UNC5C: variants seen among roughly 807,000 people sequenced by gnomAD.
UNC5C encodes the protein unc-5 netrin receptor C.
Under a neutral mutation model 99.8 loss-of-function variants are expected in UNC5C, and 47 were observed. The observed-to-expected ratio is 0.47, with a 90% CI of 0.37 to 0.60. The LOEUF (loss-of-function observed/expected upper bound fraction) is 0.60, where lower values mean the gene tolerates loss of function less well. UNC5C is among the 20% of genes least tolerant of loss of function. The probability of loss-of-function intolerance (pLI) is 0.00; values close to 1 mark genes in which losing one functional copy is unlikely to be tolerated. For missense variants in UNC5C, 1,062 were observed against 1,165.9 expected, an observed-to-expected ratio of 0.91 and a Z score of 1.30; for synonymous variants, 487 against 452.2, an observed-to-expected ratio of 1.08 and a Z score of -0.98.
intron 1 of UNC5C, among the ~76,000 whole-genome samples, chr4:95,539,975 T>G (rs1049165656): frequency 1.3e-5 from 2 of 152,096 alleles, no homozygotes; most frequent in Non-Finnish European, 2.9e-5. Flanking sequence ...TATTTTTCAC[T>G]GTGGTCATTT....
chr4:95,401,716 T>C (rs1374148378), intron 1 of UNC5C, among the ~76,000 whole-genome samples: 3 of 152,226 alleles, frequency 2.0e-5, no homozygotes, highest in Non-Finnish European at 4.4e-5. Context: ...GAGCCCCTAC[T>C]TGGGGCATAA....
At chr4:95,172,057 A>G (rs1344152259) in intron 14 of UNC5C, among the ~76,000 whole-genome samples, 12 of 148,156 alleles carry the variant, frequency 8.1e-5, no homozygotes, top group Admixed American at 8.1e-4. Context: ...GTGTCTGTTC[A>G]TGTCCTTCGC....
intron 9 of UNC5C, 58 bp from the exon 10 acceptor site, chr4:95,216,269 TGAG>T (rs1350746319): frequency 1.5e-5 from 21 of 1,407,524 alleles, no homozygotes; most frequent in Non-Finnish European, 2.0e-5. Flanking sequence ...TAAAAGGGAA[TGAG>T]GAGATTTTGT....
chr4:95,495,001 G>C lies in UNC5C; in HGVS notation c.124+53733C>G, dbSNP rs904725020. On this transcript the variant is annotated intron_variant, in intron 1 of 15. Transcript: ENST00000453304. ...TTATTTCTCCAAATGTAACCAAAGT[G>C]ATACAGTTATATACAGTTGTGCATG... Among the ~76,000 whole-genome samples, 9 of 151,470 alleles carry C rather than the reference G, an allele frequency of 5.9e-5. No individual in the cohort carries two copies. In the South Asian group the frequency reaches 1.9e-3, roughly 31 times the overall value.
chr4:95,193,719 AAG>A (rs1293638461), intron 12 of UNC5C, among the ~76,000 whole-genome samples: 1 of 152,140 alleles, frequency 6.6e-6, no homozygotes, highest in African/African-American at 2.4e-5. Context: ...AGAGGCCAAA[AAG>A]AGCGGCCGCC....
rs753248868 is a variant in UNC5C at position 95,531,237 on chromosome 4, A to C, written c.124+17497T>G. 6.8e-4 allele frequency among the ~76,000 whole-genome samples: 103 copies of C among 152,182 alleles called. 1 individual carries two copies. The highest frequency in any genetic ancestry group is 1.0e-4 in the Non-Finnish European group (7 of 68,036). ...GTTTGGTCTAAATTGACAGTCTTGA[A>C]GTCTTTCCTAAAGTAATGTTTAAAC... On this transcript the variant is annotated intron_variant, in intron 1 of 15. Coordinates refer to ENST00000453304, the MANE Select transcript of UNC5C (RefSeq NM_003728.4).
At chr4:95,195,624 G>C (rs1302651714) in intron 12 of UNC5C, among the ~76,000 whole-genome samples, 1 of 152,062 alleles carries the variant, frequency 6.6e-6, no homozygotes, top group Non-Finnish European at 1.5e-5. Context: ...CATCAGTGAG[G>C]AATGTGACAG....
intron 12 of UNC5C, among the ~76,000 whole-genome samples, chr4:95,188,875 T>G (rs1379223289): frequency 1.3e-5 from 2 of 152,174 alleles, no homozygotes; most frequent in Non-Finnish European, 2.9e-5. Flanking sequence ...AATGGGCTAA[T>G]GGTTCATGGG....
At chr4:95,438,921 A>C (rs1268155431) in intron 1 of UNC5C, among the ~76,000 whole-genome samples, 1 of 152,138 alleles carries the variant, frequency 6.6e-6, no homozygotes, top group African/African-American at 2.4e-5. Context: ...AGTTATCCAT[A>C]ATCATTGAGG....
intron 7 of UNC5C, among the ~76,000 whole-genome samples, chr4:95,224,012 G>T (rs1261993839): frequency 6.6e-6 from 1 of 152,194 alleles, no homozygotes; most frequent in African/African-American, 2.4e-5. Context: ...GCCGGGCATG[G>T]TGGCTCACAT....
At chr4:95,440,829 T>C (rs1746929097) in intron 1 of UNC5C, among the ~76,000 whole-genome samples, 1 of 152,212 alleles carries the variant, frequency 6.6e-6, no homozygotes, top group Admixed American at 6.5e-5. Flanking sequence ...TTTTCTTTAA[T>C]AAATAATACT....
chr4:95,444,832 G>A (rs1449119018), intron 1 of UNC5C, among the ~76,000 whole-genome samples: 1 of 152,040 alleles, frequency 6.6e-6, no homozygotes, highest in African/African-American at 2.4e-5. Context: ...CTGCAACTCC[G>A]CGATTTTGCT....
At chr4:95,363,403 C>CA (rs797010538) in intron 1 of UNC5C, among the ~76,000 whole-genome samples, 30 of 152,218 alleles carry the variant, frequency 2.0e-4, no homozygotes, top group African/African-American at 7.2e-4. Flanking sequence ...AAGTTTTTGG[C>CA]AAAACAAGTG....
Position 95,417,708 on chromosome 4 carries a change from G to A in UNC5C, c.125-82077C>T, listed in dbSNP as rs577602029. Reference sequence around the variant, plus strand: ...GGGGCAGGCACAAAGGGAATGAGTAGGTGAGTAGGTGAGTGTGCACACATA... The same window carrying A: ...GGGGCAGGCACAAAGGGAATGAGTAAGTGAGTAGGTGAGTGTGCACACATA... On this transcript the variant is annotated intron_variant, in intron 1 of 15. Coordinates refer to ENST00000453304, the MANE Select transcript of UNC5C (RefSeq NM_003728.4). 8.8e-4 allele frequency among the ~76,000 whole-genome samples: 134 copies of A among 152,280 alleles called. 4 individuals carry two copies. The South Asian group carries it at 0.027, about 31-fold the overall frequency.
chr4:95,188,442 C>G (rs187941113), intron 12 of UNC5C, among the ~76,000 whole-genome samples: 181 of 152,338 alleles, frequency 1.2e-3, no homozygotes, highest in African/African-American at 3.8e-3. Flanking sequence ...GGAACAGGAG[C>G]TGACTCGTCA....
intron 1 of UNC5C, among the ~76,000 whole-genome samples, chr4:95,398,102 G>A (rs1295560565): frequency 1.7e-5 from 2 of 116,240 alleles, no homozygotes; most frequent in African/African-American, 3.4e-5. Flanking sequence ...ATACATCCTT[G>A]CTCCCAAAGT....
intron 3 of UNC5C, among the ~76,000 whole-genome samples, chr4:95,279,454 G>C (rs1260587495): frequency 1.3e-5 from 2 of 152,084 alleles, no homozygotes; most frequent in African/African-American, 4.8e-5. Flanking sequence ...TCAAGAGATA[G>C]GTTTAACTAA....
chr4:95,328,313 G>A (rs907200439), intron 2 of UNC5C, among the ~76,000 whole-genome samples: 9 of 92,622 alleles, frequency 9.7e-5, no homozygotes, highest in African/African-American at 2.5e-4. Context: ...AGAATATGCG[G>A]TGTTTGGTTT....
At chr4:95,304,735 G>A (rs1451671128) in intron 2 of UNC5C, among the ~76,000 whole-genome samples, 1 of 152,142 alleles carries the variant, frequency 6.6e-6, no homozygotes, top group Non-Finnish European at 1.5e-5. Flanking sequence ...TTTGCAATAT[G>A]TGTTTCCTTA....
Sources: allele counts gnomAD v4.1 joint callset (sites outside exome capture counted in the v4.1 genomes callset), GRCh38; gene constraint gnomAD v4.1.1; transcripts MANE v1.5; gene names NCBI Gene and HGNC (gene_info 2026-07-23, HGNC 2026-07-21).